PAPPA: variants seen among roughly 807,000 people sequenced by gnomAD.
The protein encoded by PAPPA is pappalysin 1.
A neutral mutation model predicts 164.0 loss-of-function variants in PAPPA; 60 were observed. The ratio of observed to expected loss-of-function variants is 0.37; its 90% CI spans 0.30 to 0.45. The LOEUF (loss-of-function observed/expected upper bound fraction) is 0.45, where lower values mean the gene tolerates loss of function less well. Among genes scored for constraint, PAPPA ranks in the 20% least tolerant of loss-of-function variants. PAPPA has a pLI of 1.00. For synonymous variants in PAPPA, 875 were observed against 814.1 expected, an observed-to-expected ratio of 1.07 and a Z score of -1.27; for missense variants, 1,782 against 2,087.3, an observed-to-expected ratio of 0.85 and a Z score of 2.85.
Position 116,360,455 on chromosome 9 carries a change from G to A in PAPPA, c.4348-2137G>A, listed in dbSNP as rs184109495. Among the ~76,000 whole-genome samples, 71 of 152,250 alleles carry A rather than the reference G, an allele frequency of 4.7e-4. No homozygotes were observed. The East Asian group carries it at 9.8e-3, about 21-fold the overall frequency. The stretch of plus-strand genomic sequence containing the variant: ...CTTTTGCCGGCAAAGGAGAGGCCTG[G>A]AAAGGGGCCCCTTTCTCTTCTGAAT... On this transcript the variant is annotated intron_variant, in intron 17 of 21. Coordinates refer to ENST00000328252, the MANE Select transcript of PAPPA (RefSeq NM_002581.5).
intron 1 of PAPPA, among the ~76,000 whole-genome samples, chr9:116,177,086 T>C (rs1843845538): frequency 6.6e-6 from 1 of 152,156 alleles, no homozygotes; most frequent in African/African-American, 2.4e-5. Context: ...TCTTCAATTC[T>C]GTCTCATTTC....
chr9:116,201,773 G>A (rs1018007490), intron 2 of PAPPA, among the ~76,000 whole-genome samples: 10 of 152,182 alleles, frequency 6.6e-5, no homozygotes, highest in African/African-American at 2.2e-4. Flanking sequence ...GGATTTGAAC[G>A]CCAGTTTGTC....
chr9:116,165,374 C>A (rs1843709387), intron 1 of PAPPA, among the ~76,000 whole-genome samples: 1 of 152,194 alleles, frequency 6.6e-6, no homozygotes, highest in Non-Finnish European at 1.5e-5. Flanking sequence ...CTCCAAAATT[C>A]CTTGCATCCT....
chr9:116,171,037 A>G (rs990049242), intron 1 of PAPPA, among the ~76,000 whole-genome samples: 3 of 152,198 alleles, frequency 2.0e-5, no homozygotes, highest in African/African-American at 7.2e-5. Context: ...CTGAGTCTGG[A>G]TCTAGACTAC....
intron 5 of PAPPA, among the ~76,000 whole-genome samples, chr9:116,222,532 G>A (rs1844458755): frequency 6.6e-6 from 1 of 152,076 alleles, no homozygotes; most frequent in South Asian, 2.1e-4. Context: ...GGAAAATTCT[G>A]TCATTTTCAA....
intron 19 of PAPPA, among the ~76,000 whole-genome samples, chr9:116,374,167 G>T (rs11793560): frequency 2.7e-5 from 4 of 146,276 alleles, no homozygotes; most frequent in South Asian, 2.3e-4. Context: ...GTTGGTGGTG[G>T]TGTTGATGAT....
At chr9:116,264,682 A>G (rs915112856) in intron 7 of PAPPA, among the ~76,000 whole-genome samples, 4 of 152,072 alleles carry the variant, frequency 2.6e-5, no homozygotes, top group African/African-American at 9.7e-5. Flanking sequence ...ATCCCCCCCA[A>G]TGCTGGAATC....
chr9:116,181,851 G>T (rs533574358), intron 1 of PAPPA, among the ~76,000 whole-genome samples: 1 of 152,304 alleles, frequency 6.6e-6, no homozygotes, highest in East Asian at 1.9e-4. Context: ...ATTACTCTTT[G>T]GTAATAAAGA....
chr9:116,317,149 A>C (rs755318716), intron 10 of PAPPA, among the ~76,000 whole-genome samples: 28 of 152,252 alleles, frequency 1.8e-4, no homozygotes, highest in Non-Finnish European at 3.1e-4. Context: ...TTCTAGTTTT[A>C]TGAACTTGAG....
At chr9:116,291,872 C>T (rs1845441128) in intron 9 of PAPPA, among the ~76,000 whole-genome samples, 1 of 151,216 alleles carries the variant, frequency 6.6e-6, no homozygotes, top group South Asian at 2.1e-4. Context: ...GTGAATACTA[C>T]AGTAAAGGAA....
chr9:116,229,791 C>T (rs1321885685), intron 6 of PAPPA, among the ~76,000 whole-genome samples: 1 of 152,096 alleles, frequency 6.6e-6, no homozygotes, highest in Non-Finnish European at 1.5e-5. Flanking sequence ...TGCCAAAATC[C>T]AGCTGAGGAA....
At chr9:116,340,718 A>G (rs1846125255) in intron 13 of PAPPA, among the ~76,000 whole-genome samples, 1 of 152,210 alleles carries the variant, frequency 6.6e-6, no homozygotes, top group Admixed American at 6.5e-5. Context: ...TGAAAAAAAA[A>G]TGTTATCAGA....
chr9:116,382,567 C>T, intron 21 of PAPPA, 74 bp downstream of exon 21: 2 of 868,428 alleles, frequency 2.3e-6, no homozygotes, highest in Non-Finnish European at 4.0e-6. Context: ...ATCACTCCTT[C>T]ATGGCTGGAC....
intron 6 of PAPPA, among the ~76,000 whole-genome samples, chr9:116,233,572 T>C (rs1400340599): frequency 1.3e-5 from 2 of 152,220 alleles, no homozygotes; most frequent in African/African-American, 2.4e-5. Flanking sequence ...CTTTTCTTGC[T>C]GTGATGCATT....
intron 8 of PAPPA, among the ~76,000 whole-genome samples, chr9:116,270,505 C>A (rs1278002511): frequency 6.6e-6 from 1 of 152,146 alleles, no homozygotes; most frequent in African/African-American, 2.4e-5. Context: ...CAAGATTATA[C>A]AGTTAGTTTG....
intron 9 of PAPPA, among the ~76,000 whole-genome samples, chr9:116,298,909 A>T (rs1845544188): frequency 2.0e-5 from 3 of 152,222 alleles, no homozygotes; most frequent in South Asian, 4.1e-4. Flanking sequence ...CATCTAGCAG[A>T]AAGTATTTAA....
At chr9:116,313,819 T>G (rs1005549436) in intron 10 of PAPPA, among the ~76,000 whole-genome samples, 6 of 152,164 alleles carry the variant, frequency 3.9e-5, no homozygotes, top group African/African-American at 1.2e-4. Flanking sequence ...TTGTGGGCAT[T>G]GGGTTCCCCT....
chr9:116,207,398 G>A, intron 2 of PAPPA, 58 bp from the exon 3 acceptor site: 2 of 710,860 alleles, frequency 2.8e-6, no homozygotes, highest in African/African-American at 3.3e-5. Context: ...ATTATTTGGA[G>A]AGGGCCTGTT....
chr9:116,250,373 T>A (rs184677060), intron 7 of PAPPA, among the ~76,000 whole-genome samples: 23 of 152,254 alleles, frequency 1.5e-4, no homozygotes, highest in African/African-American at 5.5e-4. Flanking sequence ...TCCTATGAAG[T>A]GAAAAGTTTA....
Sources: gnomAD v4.1 joint callset for allele counts (sites outside exome capture counted in the v4.1 genomes callset) on GRCh38, gnomAD v4.1.1 for gene constraint, MANE v1.5 for transcripts, NCBI Gene and HGNC (gene_info 2026-07-23, HGNC 2026-07-21) for gene names.